CTCFL: variants seen among roughly 807,000 people sequenced by gnomAD.
The protein encoded by CTCFL is transcriptional repressor CTCFL.
A neutral mutation model predicts 67.4 loss-of-function variants in CTCFL; 36 were observed. The observed-to-expected ratio is 0.53, with a 90% CI of 0.41 to 0.71. CTCFL has a LOEUF of 0.71. CTCFL is among the 30% of genes least tolerant of loss of function. The pLI is 0.00. For synonymous variants in CTCFL, 324 were observed against 302.3 expected (o/e 1.07, Z -0.75); for missense variants, 786 against 835.2 (o/e 0.94, Z 0.73).
At chr20:57,505,317 A>G (rs4811866) in intron 9 of CTCFL, among the ~76,000 whole-genome samples, 128,716 of 151,466 alleles carry the variant, frequency 0.85, 55,180 homozygotes, top group African/African-American at 0.91. Context: ...GTGCAGTGGC[A>G]CGATCTCTGC....
chr20:57,523,249 T>C lies in CTCFL; in HGVS notation c.573A>G (p.Leu191=), dbSNP rs1469773992. The C allele has an allele frequency of 1.2e-6, 2 of 1,613,976 alleles. No homozygotes were observed. Among genetic ancestry groups the C allele is most frequent in the African/African-American group, 1.3e-5 (1 of 75,058 alleles). ...GCTGCTCCTTTGTTCTTTCAGCCAA[T>C]AACTGGTTCTTCTCCTGCTCTTCCT... is the stretch of plus-strand genomic sequence containing the variant. ...KLEEEQEKNQ[L]LAERTKEQLF... Residue 191 remains leucine, a synonymous_variant, in exon 3 of 11, where the codon TTA becomes TTG. Transcript: ENST00000243914.
At position 57,500,303 on chromosome 20, in the gene CTCFL, C is replaced by A. The variant is rs1400025003; in HGVS notation, c.1841-1602G>T. 4.4e-6 allele frequency: 3 copies of A among 681,242 alleles called. No individual in the cohort carries two copies. In the East Asian group the frequency reaches 3.1e-4, roughly 70 times the overall value. 42.2% of individuals were successfully genotyped at this position (681,242 alleles called of 1,614,324 possible). A position where few individuals can be genotyped will look rare whatever the true frequency, so the allele number is the denominator to read the frequency against. On this transcript the variant is annotated intron_variant, in intron 10 of 10. Transcript: ENST00000243914. ...CCCATCTCTACTAAAAATAATAGAACAATTAGCCAGGCGTGGTGGCGGGCA... is the reference window on the plus strand; with the variant it reads ...CCCATCTCTACTAAAAATAATAGAAAAATTAGCCAGGCGTGGTGGCGGGCA...
chr20:57,507,304 G>C, intron 9 of CTCFL: 1 of 405,044 alleles, frequency 2.5e-6, no homozygotes, highest in Non-Finnish European at 4.6e-6. Context: ...TGATCCTCCC[G>C]TCCCAACCAC....
intron 10 of CTCFL, among the ~76,000 whole-genome samples, chr20:57,502,005 T>C (rs1490371120): frequency 1.3e-4 from 20 of 152,202 alleles, no homozygotes; most frequent in African/African-American, 4.1e-4. Context: ...TCAGTGGTAA[T>C]TGCCGATGCC....
At chr20:57,500,125 A>G in intron 10 of CTCFL, 3 of 974,838 alleles carry the variant, frequency 3.1e-6, no homozygotes, top group Non-Finnish European at 3.6e-6. Flanking sequence ...GGGAGACAAG[A>G]AGACCCAGTT....
chr20:57,519,764 T>C (rs1458138091), intron 3 of CTCFL, among the ~76,000 whole-genome samples: 1 of 152,172 alleles, frequency 6.6e-6, no homozygotes, highest in Non-Finnish European at 1.5e-5. Context: ...CTGCATTCTC[T>C]GTAGGGTGAA....
At position 57,505,661 on chromosome 20, in the gene CTCFL, T is replaced by A. The variant is rs533676604; in HGVS notation, c.1675-2060A>T. On this transcript the variant is annotated intron_variant, in intron 9 of 10. Transcript: ENST00000243914. ...TTTCATAACCATCAACTACATACCA[T>A]AAAGATTTTACTTTTCTGTTAGCTA... Among the ~76,000 whole-genome samples, 10 of 152,320 alleles carry A rather than the reference T, an allele frequency of 6.6e-5. 1 individual carries two copies. Among genetic ancestry groups the A allele is most frequent in the African/African-American group, 2.4e-4 (10 of 41,570 alleles).
chr20:57,503,628 C>T (rs760087372), intron 9 of CTCFL, 27 bp from the exon 10 acceptor site: 4 of 1,612,640 alleles, frequency 2.5e-6, no homozygotes, highest in Non-Finnish European at 3.4e-6. Flanking sequence ...ACAGAACACA[C>T]AAGGCGAGTG....
rs758595392 is a variant in CTCFL at position 57,519,344 on chromosome 20, A to G, written c.788T>C (p.Met263Thr). 5 of 1,614,052 alleles carry G rather than the reference A, an allele frequency of 3.1e-6. No individual in the cohort carries two copies. The African/African-American group carries it at 4.0e-5, about 13-fold the overall frequency. Residue 263 changes from methionine to threonine, a missense_variant, in exon 4 of 11, where the codon ATG becomes ACG. Met to Thr is a moderately conservative substitution (Grantham distance 81). Transcript: ENST00000243914. ...AKGTFHCDVC[M>T]FTSSRMSSFN... ...ACTTGACATTCTAGAAGAGGTGAAC[A>G]TGCAGACATCACAGTGGAAGGTTCC...
At chr20:57,518,454 A>T (rs768088535) in intron 5 of CTCFL, 3 of 1,233,752 alleles carry the variant, frequency 2.4e-6, no homozygotes, top group African/African-American at 3.1e-5. Flanking sequence ...TGTGGCCCAG[A>T]GTACTAGATA....
rs754855563 is a variant in CTCFL at position 57,515,707 on chromosome 20, C to T, written c.1180+7G>A. ...AGGTATCAGGCCTTCAGCACCAGAG[C>T]CCTTACCTGAGTGCGTTCTCATGTG... On this transcript the variant is annotated splice_region_variant and intron_variant, in intron 6 of 10. Coordinates refer to ENST00000243914, the MANE Select transcript of CTCFL (RefSeq NM_001386993.1). 17 of 1,614,042 alleles carry T rather than the reference C, an allele frequency of 1.1e-5. No individual in the cohort carries two copies. Among genetic ancestry groups the T allele is most frequent in the South Asian group, 4.4e-5 (4 of 91,092 alleles).
chr20:57,504,041 A>ATGG (rs1371877582), intron 9 of CTCFL, among the ~76,000 whole-genome samples: 20 of 146,400 alleles, frequency 1.4e-4, no homozygotes, highest in East Asian at 8.2e-4. Context: ...CAGTGGCGCC[A>ATGG]TCTCGGCTCA....
At chr20:57,498,967 T>C (rs1315869444) in intron 10 of CTCFL, among the ~76,000 whole-genome samples, 1 of 150,988 alleles carries the variant, frequency 6.6e-6, no homozygotes. Context: ...TGTAGGATGT[T>C]AGCAGCGACC....
intron 4 of CTCFL, 116 bp from the exon 5 acceptor site, chr20:57,519,007 G>T: frequency 1.5e-6 from 2 of 1,294,348 alleles, no homozygotes; most frequent in Non-Finnish European, 2.1e-6. Flanking sequence ...TTAAGAAGAG[G>T]CTCCTTAAAC....
In CTCFL at chr20:57,523,056, G is replaced by A. The variant is rs746633709; in HGVS notation, c.754+12C>T. 12 of 1,607,264 alleles carry A rather than the reference G, an allele frequency of 7.5e-6. No individual in the cohort carries two copies. In the South Asian group the frequency reaches 1.0e-4, roughly 13 times the overall value. Reference sequence around the variant, plus strand: ...TTTTAGGGAGTGTATTCTATGAGATGAACTGGCCTACCCTTTGTCTTTCTT... The same window carrying A: ...TTTTAGGGAGTGTATTCTATGAGATAAACTGGCCTACCCTTTGTCTTTCTT... On this transcript the variant is annotated intron_variant, in intron 3 of 10. Transcript: ENST00000243914.
intron 3 of CTCFL, among the ~76,000 whole-genome samples, chr20:57,520,276 C>T (rs1000382292): frequency 6.6e-6 from 1 of 152,182 alleles, no homozygotes; most frequent in African/African-American, 2.4e-5. Flanking sequence ...CCACAGATAA[C>T]AGTAAAAAGA....
At chr20:57,517,219 G>A (rs767530583) in intron 5 of CTCFL, among the ~76,000 whole-genome samples, 1 of 151,446 alleles carries the variant, frequency 6.6e-6, no homozygotes, top group Non-Finnish European at 1.5e-5. Flanking sequence ...AGCAAAGAAG[G>A]CCATTAAAAA....
Position 57,508,724 on chromosome 20 carries a change from C to A in CTCFL, c.1556G>T (p.Cys519Phe). 6.2e-7 allele frequency: 1 copy of A among 1,614,148 alleles called. No individual in the cohort carries two copies. The highest frequency in any genetic ancestry group is 1.1e-5 in the South Asian group (1 of 91,078). Residue 519 changes from cysteine (C) to phenylalanine (F), a missense_variant, in exon 9 of 11, where the codon TGC becomes TTC. Cys to Phe is a radical substitution (Grantham distance 205). Coordinates refer to ENST00000243914, the MANE Select transcript of CTCFL (RefSeq NM_001386993.1). Reference sequence around the variant, plus strand: ...TTGCTTCTGTCGGAAACATTTATTGCAAGAAAGGCAGGTGAATGGTTTCTC... The same window carrying A: ...TTGCTTCTGTCGGAAACATTTATTGAAAGAAAGGCAGGTGAATGGTTTCTC... ...TGEKPFTCLS[C>F]NKCFRQKQLL...
chr20:57,510,757 G>T (rs1307706813), intron 8 of CTCFL, among the ~76,000 whole-genome samples: 1 of 152,232 alleles, frequency 6.6e-6, no homozygotes, highest in Non-Finnish European at 1.5e-5. Flanking sequence ...CAGCTACTCA[G>T]GAGGCTGAGG....
Sources: gnomAD v4.1 joint callset for allele counts (sites outside exome capture counted in the v4.1 genomes callset) on GRCh38, gnomAD v4.1.1 for gene constraint, MANE v1.5 for transcripts, NCBI Gene and HGNC (gene_info 2026-07-23, HGNC 2026-07-21) for gene names.